The following SLC5A1 variants were observed in gnomAD, a reference collection of about 807,000 sequenced individuals.
SLC5A1 encodes the protein sodium/glucose cotransporter 1.
SLC5A1 carries 42 observed loss-of-function variants against 73.5 expected under a neutral mutation model. The observed-to-expected ratio is 0.57, with a 90% CI of 0.45 to 0.74. SLC5A1 has a LOEUF of 0.74. Among genes scored for constraint, SLC5A1 ranks in the 30% least tolerant of loss-of-function variants. The probability of loss-of-function intolerance (pLI) is 0.00; values close to 1 mark genes in which losing one functional copy is unlikely to be tolerated. For missense variants in SLC5A1, 634 were observed against 855.4 expected, an observed-to-expected ratio of 0.74 and a Z score of 3.23; for synonymous variants, 300 against 317.4, an observed-to-expected ratio of 0.95 and a Z score of 0.58.
chr22:32,089,275 A>C (rs2094013145), intron 10 of SLC5A1, among the ~76,000 whole-genome samples: 1 of 152,192 alleles, frequency 6.6e-6, no homozygotes, highest in South Asian at 2.1e-4. Context: ...ACAAACTCAG[A>C]AAGAGCCATT....
At chr22:32,062,011 T>A (rs2093963927) in intron 2 of SLC5A1, among the ~76,000 whole-genome samples, 1 of 152,194 alleles carries the variant, frequency 6.6e-6, no homozygotes, top group Non-Finnish European at 1.5e-5. Context: ...ATCCCTGTCC[T>A]CAGATATTGG....
At chr22:32,070,439 C>A (rs1189482347) in intron 5 of SLC5A1, among the ~76,000 whole-genome samples, 2 of 151,454 alleles carry the variant, frequency 1.3e-5, no homozygotes, top group Non-Finnish European at 2.9e-5. Context: ...CTCAAGCGAT[C>A]CTTCCACCTC....
At chr22:32,096,042 C>A (rs1209182880) in intron 11 of SLC5A1, among the ~76,000 whole-genome samples, 2 of 152,136 alleles carry the variant, frequency 1.3e-5, no homozygotes, top group African/African-American at 2.4e-5. Context: ...CAGGAGCAAT[C>A]TGCTACCTTC....
chr22:32,086,208 A>C lies in SLC5A1; in HGVS notation c.1022-12A>C, dbSNP rs984666738. On this transcript the variant is annotated splice_polypyrimidine_tract_variant and intron_variant, in intron 9 of 14. Coordinates refer to ENST00000266088, the MANE Select transcript of SLC5A1 (RefSeq NM_000343.4). ...TGTCTGCTTGCTGACGTGGCTCTCCATCTCTTCCCAGAAAAAATTGCCTGT... is the reference window on the plus strand; with the variant it reads ...TGTCTGCTTGCTGACGTGGCTCTCCCTCTCTTCCCAGAAAAAATTGCCTGT... 7.0e-6 allele frequency: 11 copies of C among 1,570,398 alleles called. No individual in the cohort carries two copies. Among genetic ancestry groups the C allele is most frequent in the Middle Eastern group, 1.7e-4 (1 of 5,980 alleles).
intron 14 of SLC5A1, 57 bp downstream of exon 14, chr22:32,104,948 G>C (rs769416410): frequency 8.3e-7 from 1 of 1,202,278 alleles, no homozygotes; most frequent in East Asian, 2.3e-5. Flanking sequence ...ACAACAACAA[G>C]ACTTTACTGA....
rs1489641400 is a variant in SLC5A1, at chr22:32,067,053, CA to C, written c.312+15del. ...TTTGAATGGAATGTGAGTAACACTG[CA>C]GCCATGGTGCACTGGGGCTGGAAGG... On this transcript the variant is annotated intron_variant, in intron 3 of 14. Transcript: ENST00000266088. The C allele has an allele frequency of 6.3e-7, 1 of 1,578,348 alleles. No individual in the cohort carries two copies.
intron 5 of SLC5A1, 126 bp downstream of exon 5, chr22:32,068,726 G>A (rs2093978264): frequency 1.4e-6 from 1 of 714,970 alleles, no homozygotes; most frequent in Non-Finnish European, 2.5e-6. Context: ...GCCTTCTTGC[G>A]CCTTGGAGTA....
At chr22:32,072,006 C>T (rs2093983612) in intron 5 of SLC5A1, among the ~76,000 whole-genome samples, 1 of 152,120 alleles carries the variant, frequency 6.6e-6, no homozygotes, top group South Asian at 2.1e-4. Context: ...AACATTTTGC[C>T]ATTTTTGGTT....
In SLC5A1 at chr22:32,049,807, G is replaced by C. The variant is rs967310791; in HGVS notation, c.136-136G>C. 5.0e-6 allele frequency: 4 copies of C among 792,844 alleles called. No homozygotes were observed. In the Admixed American group the frequency reaches 6.8e-5, roughly 13 times the overall value. The allele number at this position is 792,844 out of a possible 1,614,324, so 49.1% of individuals were successfully genotyped here. On this transcript the variant is annotated intron_variant, in intron 1 of 14. Transcript: ENST00000266088. ...TTCATCTAAGTCTTTTGAGGCTGCAGGGGAAGAAGGAATGTGAAAGTGTTT... is the reference window on the plus strand; with the variant it reads ...TTCATCTAAGTCTTTTGAGGCTGCACGGGAAGAAGGAATGTGAAAGTGTTT...
At chr22:32,109,778 T>C (rs1046465111) in intron 14 of SLC5A1, among the ~76,000 whole-genome samples, 1 of 152,212 alleles carries the variant, frequency 6.6e-6, no homozygotes, top group Admixed American at 6.5e-5. Context: ...AGGATGCAGA[T>C]AGTAAGACCA....
intron 6 of SLC5A1, among the ~76,000 whole-genome samples, chr22:32,082,651 G>C (rs542242244): frequency 1.3e-5 from 2 of 152,290 alleles, no homozygotes; most frequent in Admixed American, 6.5e-5. Context: ...ATCAGCTTTA[G>C]AACTTGCTGC....
intron 2 of SLC5A1, among the ~76,000 whole-genome samples, chr22:32,055,545 A>G (rs949902091): frequency 2.6e-5 from 4 of 152,194 alleles, no homozygotes; most frequent in African/African-American, 9.7e-5. Context: ...CTGAGTTTAC[A>G]GTGGGATGGG....
rs2149500557 is a variant in SLC5A1, at chr22:32,111,593, A to C, written c.*1380A>C. 1 of 152,350 alleles carries C rather than the reference A, an allele frequency of 6.6e-6. No individual in the cohort carries two copies. The highest frequency in any genetic ancestry group is 3.4e-3 in the Middle Eastern group (1 of 294). 9.4% of individuals were successfully genotyped at this position (152,350 alleles called of 1,614,324 possible). A position where few individuals can be genotyped will look rare whatever the true frequency, so the allele number is the denominator to read the frequency against. ...ACGGAAGCAGTTATTGTGCAGCAAA[A>C]GGAAAAAGAATTACAAACTGAACGT... On this transcript the variant is annotated 3_prime_UTR_variant, in exon 15 of 15. Transcript: ENST00000266088.
intron 2 of SLC5A1, 61 bp from the exon 3 acceptor site, chr22:32,066,874 C>T: frequency 8.6e-7 from 1 of 1,167,346 alleles, no homozygotes; most frequent in Admixed American, 1.7e-5. Context: ...CTCTCTTTGA[C>T]CCACTCTGAG....
intron 2 of SLC5A1, among the ~76,000 whole-genome samples, chr22:32,062,012 C>A (rs2093963937): frequency 6.6e-6 from 1 of 152,168 alleles, no homozygotes; most frequent in Non-Finnish European, 1.5e-5. Flanking sequence ...TCCCTGTCCT[C>A]AGATATTGGA....
chr22:32,087,060 T>C (rs544190791), intron 10 of SLC5A1, among the ~76,000 whole-genome samples: 64 of 152,156 alleles, frequency 4.2e-4, no homozygotes, highest in African/African-American at 1.5e-3. Context: ...AAAGTCAAAT[T>C]TGTAGAAGCA....
Position 32,110,133 on chromosome 22 carries a change from C to G in SLC5A1, c.1915C>G (p.Pro639Ala), listed in dbSNP as rs200684333. 137 of 1,614,012 alleles carry G rather than the reference C, an allele frequency of 8.5e-5. No individual in the cohort carries two copies. The highest frequency in any genetic ancestry group is 1.6e-4 in the Middle Eastern group (1 of 6,082). Residue 639 changes from proline to alanine, a missense_variant, in exon 15 of 15, where the codon CCT becomes GCT. Around this residue, in one of 3 missense-constraint regions of SLC5A1, gnomAD observed 161 missense variants for 178.7 expected, o/e 0.90. Coordinates refer to ENST00000266088, the MANE Select transcript of SLC5A1 (RefSeq NM_000343.4). ...KMKMTDTSEK[P>A]LWRTVLNVNG... ...GAAGATGACGGACACCTCTGAGAAGCCTTTGTGGAGGACAGTGTTGAACGT... is the reference window on the plus strand; with the variant it reads ...GAAGATGACGGACACCTCTGAGAAGGCTTTGTGGAGGACAGTGTTGAACGT...
At position 32,091,657 on chromosome 22, in the gene SLC5A1, G is replaced by A; in HGVS notation, c.1175G>A (p.Ser392Asn). The A allele has an allele frequency of 6.2e-7, 1 of 1,614,110 alleles. No individual in the cohort carries two copies. The highest frequency in any genetic ancestry group is 8.5e-7 in the Non-Finnish European group (1 of 1,180,004). ...MLSVMLASLM[S>N]SLTSIFNSAS... ...TCAGTCATGCTGGCCTCCCTCATGA[G>A]CTCCCTGACCTCCATCTTCAACAGC... Residue 392 changes from serine (S) to asparagine (N), a missense_variant, in exon 11 of 15, where the codon AGC becomes AAC. By Grantham distance (46) the Ser-to-Asn change is conservative. Around this residue, in one of 3 missense-constraint regions of SLC5A1, gnomAD observed 422 missense variants for 626.1 expected, o/e 0.67. Coordinates refer to ENST00000266088, the MANE Select transcript of SLC5A1 (RefSeq NM_000343.4).
chr22:32,056,437 CTTTTTT>C (rs35843263), intron 2 of SLC5A1, among the ~76,000 whole-genome samples: 1 of 121,618 alleles, frequency 8.2e-6, no homozygotes, highest in Admixed American at 9.3e-5. Flanking sequence ...ACCTTCCTGT[CTTTTTT>C]TTTTTTTTTT....
Sources: gnomAD v4.1 joint callset for allele counts (sites outside exome capture counted in the v4.1 genomes callset) on GRCh38, gnomAD v4.1.1 for gene constraint, gnomAD v4.1.1 regional missense constraint, MANE v1.5 for transcripts, NCBI Gene and HGNC (gene_info 2026-07-23, HGNC 2026-07-21) for gene names.